Variants in SLC35B3 observed in about 807,000 individuals in gnomAD.
The protein encoded by SLC35B3 is adenosine 3'-phospho 5'-phosphosulfate transporter 2.
A neutral mutation model predicts 44.1 loss-of-function variants in SLC35B3; 35 were observed. The observed-to-expected ratio is 0.79, with a 90% CI of 0.61 to 1.05. The LOEUF (loss-of-function observed/expected upper bound fraction) is 1.05, where lower values mean the gene tolerates loss of function less well. SLC35B3 is among the 50% of genes least tolerant of loss of function. The pLI is 0.00. For missense variants in SLC35B3, 414 were observed against 476.4 expected, an observed-to-expected ratio of 0.87 and a Z score of 1.22; for synonymous variants, 146 against 167.3, an observed-to-expected ratio of 0.87 and a Z score of 0.98.
In SLC35B3 at chr6:8,416,877, C is replaced by A; in HGVS notation, c.985+7G>T. 1 of 1,430,798 alleles carries A rather than the reference C, an allele frequency of 7.0e-7. No homozygotes were observed. The allele number at this position is 1,430,798 out of a possible 1,614,324, so 88.6% of individuals were successfully genotyped here. On this transcript the variant is annotated splice_region_variant and intron_variant, in intron 9 of 10. Coordinates refer to ENST00000644923, the MANE Select transcript of SLC35B3 (RefSeq NM_001370476.2). ...TTTTATAATCAAAGCAAGTAAATCC[C>A]TCCTACCTGTTACAGCAATAAGTGC...
intron 10 of SLC35B3, 72 bp downstream of exon 9, chr6:8,414,836 T>G (rs1304897282): frequency 1.3e-6 from 1 of 788,042 alleles, no homozygotes; most frequent in Non-Finnish European, 2.0e-6. Context: ...AAAGTTGAAA[T>G]TAAGATTAAG....
In SLC35B3 at chr6:8,435,252, T is replaced by G. The variant is rs1368845934; in HGVS notation, c.-44+91A>C. ...CCTCATCCATTCCTCGAACGCTCCT[T>G]CTGGATGAGGAAGATGGGCAGTGTC... On this transcript the variant is annotated intron_variant, in intron 1 of 10. Coordinates refer to ENST00000644923, the MANE Select transcript of SLC35B3 (RefSeq NM_001370476.2). The surrounding 1 kb of genome is among the most constrained non-coding windows in gnomAD (Gnocchi z 5.5). The G allele has an allele frequency of 1.6e-6, 2 of 1,289,106 alleles. No individual in the cohort carries two copies. The highest frequency in any genetic ancestry group is 4.6e-5 in the Admixed American group (2 of 43,542). 79.9% of individuals were successfully genotyped at this position (1,289,106 alleles called of 1,614,324 possible).
rs755787757 is a variant in SLC35B3, at chr6:8,416,985, C to T, written c.884G>A (p.Arg295Gln). The T allele has an allele frequency of 4.5e-6, 7 of 1,563,570 alleles. No homozygotes were observed. The highest frequency in any genetic ancestry group is 2.4e-5 in the South Asian group (2 of 82,196). The change falls in exon 9 of 11, where the codon CGG (arginine) becomes CAG (glutamine). Residue 295 changes from arginine (R) to glutamine (Q), a missense_variant. Transcript: ENST00000644923. ...AAAAAGGAACGCATAACCATAGGTCCGAACTGGATTCTGCAAAAAATAAAA... is the reference window on the plus strand; with the variant it reads ...AAAAAGGAACGCATAACCATAGGTCTGAACTGGATTCTGCAAAAAATAAAA...
intron 4 of SLC35B3, among the ~76,000 whole-genome samples, chr6:8,424,597 A>G (rs1763245773): frequency 6.6e-6 from 1 of 152,210 alleles, no homozygotes; most frequent in Non-Finnish European, 1.5e-5. Flanking sequence ...TCTTCAAGAC[A>G]AATCTGAGCA....
Position 8,432,491 on chromosome 6 carries a change from T to C in SLC35B3, c.3+1894A>G, listed in dbSNP as rs1292608362. ...ATATTGTAATGACTCAATACAATTA[T>C]AGGTAATAGTATAAGAAAGCAGTAT... On this transcript the variant is annotated intron_variant, in intron 2 of 10. Transcript: ENST00000644923. This position sits in a 1 kb window ranked among gnomAD's most constrained non-coding sequence, Gnocchi z 4.8. 6.6e-6 allele frequency among the ~76,000 whole-genome samples: 1 copy of C among 152,106 alleles called. No homozygotes were observed. The highest frequency in any genetic ancestry group is 2.4e-5 in the African/African-American group (1 of 41,422).
rs1292659502 is a variant in SLC35B3 at position 8,433,089 on chromosome 6, A to G, written c.3+1296T>C. 1.3e-5 allele frequency among the ~76,000 whole-genome samples: 2 copies of G among 152,086 alleles called. No individual in the cohort carries two copies. The highest frequency in any genetic ancestry group is 4.8e-5 in the African/African-American group (2 of 41,418). Reference sequence around the variant, plus strand: ...ATCTTTCCTTTTCCTCACATTCTATATTTTGCCAAGATTCCTGTTAACTCT... The same window carrying G: ...ATCTTTCCTTTTCCTCACATTCTATGTTTTGCCAAGATTCCTGTTAACTCT... On this transcript the variant is annotated intron_variant, in intron 2 of 10. Transcript: ENST00000644923. This position sits in a 1 kb window ranked among gnomAD's most constrained non-coding sequence, Gnocchi z 4.1.
At chr6:8,430,274 T>G (rs1260162885) in intron 2 of SLC35B3, 117 bp from the exon 2 acceptor site, 2 of 918,262 alleles carry the variant, frequency 2.2e-6, no homozygotes, top group African/African-American at 3.4e-5. Context: ...GATATTAGTA[T>G]ATTAATTCCT....
At chr6:8,424,756 A>G (rs1339530095) in intron 4 of SLC35B3, among the ~76,000 whole-genome samples, 1 of 152,246 alleles carries the variant, frequency 6.6e-6, no homozygotes, top group Admixed American at 6.5e-5. Context: ...TAAAATTTAG[A>G]GTATTATAGA....
At chr6:8,427,075 A>T in intron 4 of SLC35B3, among the ~76,000 whole-genome samples, 1 of 116,578 alleles carries the variant, frequency 8.6e-6, no homozygotes, top group East Asian at 3.8e-4. Flanking sequence ...CAAAGCCTTC[A>T]AAAGGTAATT....
At chr6:8,423,789 ACT>A (rs1763159109) in intron 4 of SLC35B3, among the ~76,000 whole-genome samples, 1 of 152,162 alleles carries the variant, frequency 6.6e-6, no homozygotes, top group Admixed American at 6.6e-5. Context: ...CTACTTAACT[ACT>A]AATATAGTAG....
Position 8,435,407 on chromosome 6 carries a change from C to T in SLC35B3, c.-108G>A. The T allele has an allele frequency of 7.8e-7, 1 of 1,287,768 alleles. No homozygotes were observed. The highest frequency in any genetic ancestry group is 1.0e-6 in the Non-Finnish European group (1 of 988,316). 79.8% of individuals were successfully genotyped at this position (1,287,768 alleles called of 1,614,324 possible). A position where few individuals can be genotyped will look rare whatever the true frequency, so the allele number is the denominator to read the frequency against. On this transcript the variant is annotated 5_prime_UTR_variant, in exon 1 of 11. An upstream start codon of the reference 5' UTR is lost. Transcript: ENST00000644923. This position sits in a 1 kb window ranked among gnomAD's most constrained non-coding sequence, Gnocchi z 5.5. ...TGCGTGGCGTCTGAGCTAGACGGAG[C>T]ATCTCCCCCTCCCCTGGTCCGTCGC...
At chr6:8,415,399 G>T (rs973872710) in intron 9 of SLC35B3, among the ~76,000 whole-genome samples, 57 of 152,226 alleles carry the variant, frequency 3.7e-4, no homozygotes, top group African/African-American at 1.3e-3. Context: ...AAGACTATAA[G>T]TAACCATTAC....
intron 5 of SLC35B3, among the ~76,000 whole-genome samples, chr6:8,421,730 C>T (rs17143713): frequency 0.03 from 4,616 of 152,220 alleles, 250 homozygotes; most frequent in African/African-American, 0.11. Flanking sequence ...TTGGTAAAAA[C>T]GCAGTTCTGC....
rs1252038733 is a variant in SLC35B3, at chr6:8,419,769, TA to T, written c.683-93del. On this transcript the variant is annotated intron_variant, in intron 6 of 10. Coordinates refer to ENST00000644923, the MANE Select transcript of SLC35B3 (RefSeq NM_001370476.2). This position sits in a 1 kb window ranked among gnomAD's most constrained non-coding sequence, Gnocchi z 4.3. ...AGCTTTATCAGAAATTTCATTGGTC[TA>T]AAAAACAAAAGCAGATCTTCAACTA... 6.1e-6 allele frequency: 4 copies of T among 651,138 alleles called. No homozygotes were observed. Among genetic ancestry groups the T allele is most frequent in the Non-Finnish European group, 1.0e-5 (4 of 401,290 alleles). The allele number at this position is 651,138 out of a possible 1,614,324, so 40.3% of individuals were successfully genotyped here.
chr6:8,430,086 G>A lies in SLC35B3; in HGVS notation c.75C>T (p.Ser25=). 1.2e-6 allele frequency: 2 copies of A among 1,613,518 alleles called. No individual in the cohort carries two copies. Among genetic ancestry groups the A allele is most frequent in the South Asian group, 1.1e-5 (1 of 90,996 alleles). The change falls in exon 3 of 11, where the codon AGC becomes AGT. Residue 25 remains serine, a synonymous_variant. Transcript: ENST00000644923. ...CCATTGTTATTTTGCTGCATTCAAT[G>A]CTTTCAGAGTTATTTTTGTTGGTTT...
intron 4 of SLC35B3, among the ~76,000 whole-genome samples, chr6:8,424,610 C>T (rs1409242550): frequency 6.6e-6 from 1 of 152,148 alleles, no homozygotes; most frequent in African/African-American, 2.4e-5. Flanking sequence ...TCTGAGCACT[C>T]TCCTTAATTA....
rs563472163 is a variant in SLC35B3, at chr6:8,420,942, C to T, written c.575-114G>A. ...GTTTTTTTATATCCAATGCCAAAAA[C>T]GTGAACACTTAGGTCAAGGCAGAAG... On this transcript the variant is annotated intron_variant, in intron 5 of 10. Transcript: ENST00000644923. This position sits in a 1 kb window ranked among gnomAD's most constrained non-coding sequence, Gnocchi z 4.4. 1.2e-5 allele frequency: 8 copies of T among 689,028 alleles called. No individual in the cohort carries two copies. In the East Asian group the frequency reaches 1.5e-4, roughly 13 times the overall value. The allele number at this position is 689,028 out of a possible 1,614,324, so 42.7% of individuals were successfully genotyped here. A position where few individuals can be genotyped will look rare whatever the true frequency, so the allele number is the denominator to read the frequency against.
intron 4 of SLC35B3, among the ~76,000 whole-genome samples, chr6:8,423,013 G>GGA: frequency 6.6e-6 from 1 of 151,852 alleles, no homozygotes; most frequent in Non-Finnish European, 1.5e-5. Context: ...CTTGAGATAA[G>GGA]GTCTCGCTCT....
chr6:8,423,465 A>G (rs1240854095), intron 4 of SLC35B3, among the ~76,000 whole-genome samples: 1 of 152,128 alleles, frequency 6.6e-6, no homozygotes, highest in African/African-American at 2.4e-5. Context: ...AAAGTTCCTA[A>G]AGGAGATTCT....
Sources: gnomAD v4.1 joint callset for allele counts (sites outside exome capture counted in the v4.1 genomes callset) on GRCh38, gnomAD v4.1.1 for gene constraint, Gnocchi (gnomAD v3.1) non-coding constraint, MANE v1.5 for transcripts, NCBI Gene and HGNC (gene_info 2026-07-23, HGNC 2026-07-21) for gene names.